SORCS3: variants seen among roughly 807,000 people sequenced by gnomAD.
SORCS3 encodes the protein VPS10 domain-containing receptor SorCS3.
SORCS3 carries 57 observed loss-of-function variants against 146.3 expected under a neutral mutation model. The ratio of observed to expected loss-of-function variants is 0.39; its 90% CI spans 0.31 to 0.49. The LOEUF is 0.49. Ranked by LOEUF, SORCS3 falls within the 20% of genes least tolerant of loss-of-function variation. SORCS3 has a pLI of 0.92. For missense variants in SORCS3, 1,341 were observed against 1,575.5 expected, an observed-to-expected ratio of 0.85 and a Z score of 2.52; for synonymous variants, 653 against 618.5, an observed-to-expected ratio of 1.06 and a Z score of -0.83.
At chr10:105,047,172 CTTG>C (rs1205741307) in intron 5 of SORCS3, among the ~76,000 whole-genome samples, 15 of 151,742 alleles carry the variant, frequency 9.9e-5, no homozygotes, top group Non-Finnish European at 1.8e-4. Context: ...AATGTGAATA[CTTG>C]TTGTGATTCA....
At chr10:104,765,054 T>A (rs1262919618) in intron 1 of SORCS3, among the ~76,000 whole-genome samples, 1 of 152,196 alleles carries the variant, frequency 6.6e-6, no homozygotes, top group African/African-American at 2.4e-5. Flanking sequence ...TAGGTTTGAA[T>A]CTCTACCAAC....
At chr10:104,734,858 A>T (rs1564671005) in intron 1 of SORCS3, among the ~76,000 whole-genome samples, 1 of 152,212 alleles carries the variant, frequency 6.6e-6, no homozygotes, top group Non-Finnish European at 1.5e-5. Context: ...CTCTCTGATC[A>T]CCAGAGATAA....
At chr10:104,874,475 G>C (rs1036712841) in intron 2 of SORCS3, among the ~76,000 whole-genome samples, 2 of 151,886 alleles carry the variant, frequency 1.3e-5, no homozygotes, top group Non-Finnish European at 2.9e-5. Flanking sequence ...TTTCCAACGT[G>C]TACTACTTAC....
At chr10:104,981,350 G>A (rs2054930520) in intron 4 of SORCS3, among the ~76,000 whole-genome samples, 1 of 152,114 alleles carries the variant, frequency 6.6e-6, no homozygotes, top group Non-Finnish European at 1.5e-5. Flanking sequence ...AAAAGCAGTG[G>A]AAGTAATAGG....
At chr10:104,650,337 C>G (rs2015542974) in intron 1 of SORCS3, among the ~76,000 whole-genome samples, 1 of 152,110 alleles carries the variant, frequency 6.6e-6, no homozygotes, top group Admixed American at 6.5e-5. Context: ...AATGCTGTAC[C>G]AGGAATTGTT....
intron 1 of SORCS3, among the ~76,000 whole-genome samples, chr10:104,746,109 G>T (rs1391104578): frequency 6.6e-6 from 1 of 151,270 alleles, no homozygotes; most frequent in African/African-American, 2.4e-5. Flanking sequence ...ATATTTATGG[G>T]TATGATGTGT....
At chr10:104,881,379 G>A (rs2018628508) in intron 2 of SORCS3, among the ~76,000 whole-genome samples, 1 of 152,136 alleles carries the variant, frequency 6.6e-6, no homozygotes, top group East Asian at 1.9e-4. Flanking sequence ...CTTTGCTGGA[G>A]GGAAAAAGTT....
intron 3 of SORCS3, among the ~76,000 whole-genome samples, chr10:104,965,878 C>G (rs1172811084): frequency 1.3e-5 from 2 of 151,838 alleles, no homozygotes; most frequent in African/African-American, 4.8e-5. Context: ...TGTAAATAAG[C>G]TTAATATAAT....
At chr10:105,160,278 T>C (rs1025619990) in intron 11 of SORCS3, among the ~76,000 whole-genome samples, 2 of 152,196 alleles carry the variant, frequency 1.3e-5, no homozygotes, top group African/African-American at 4.8e-5. Context: ...AAAGTGGGCA[T>C]AATAGTACCA....
chr10:104,718,111 A>G (rs2016500319), intron 1 of SORCS3, among the ~76,000 whole-genome samples: 1 of 152,214 alleles, frequency 6.6e-6, no homozygotes, highest in Non-Finnish European at 1.5e-5. Flanking sequence ...GCACCACTGC[A>G]TTCCAGCCTG....
At chr10:105,103,884 C>T (rs927793907) in intron 6 of SORCS3, among the ~76,000 whole-genome samples, 1 of 152,198 alleles carries the variant, frequency 6.6e-6, no homozygotes, top group Non-Finnish European at 1.5e-5. Flanking sequence ...TAACTAGCTA[C>T]ATATATGAGT....
intron 19 of SORCS3, among the ~76,000 whole-genome samples, chr10:105,221,872 G>A (rs1221905771): frequency 6.6e-6 from 1 of 152,016 alleles, no homozygotes; most frequent in Non-Finnish European, 1.5e-5. Context: ...ACATATTTTA[G>A]TTGGATTTGT....
At chr10:105,152,251 T>C (rs2056173021) in intron 9 of SORCS3, among the ~76,000 whole-genome samples, 1 of 152,186 alleles carries the variant, frequency 6.6e-6, no homozygotes, top group African/African-American at 2.4e-5. Context: ...ACCAGCACTG[T>C]CAAATACATA....
At chr10:104,807,185 G>A (rs568286467) in intron 1 of SORCS3, among the ~76,000 whole-genome samples, 114 of 151,234 alleles carry the variant, frequency 7.5e-4, no homozygotes, top group Non-Finnish European at 1.4e-3. Flanking sequence ...CTTGCTCTCT[G>A]TGTGTGTGTG....
chr10:105,188,853 C>T (rs889909985), intron 14 of SORCS3, among the ~76,000 whole-genome samples: 2 of 152,132 alleles, frequency 1.3e-5, no homozygotes, highest in African/African-American at 4.8e-5. Context: ...GGAGTTGAAG[C>T]TGGGTGAAAG....
intron 1 of SORCS3, among the ~76,000 whole-genome samples, chr10:104,821,544 A>T (rs1589512228): frequency 1.3e-5 from 2 of 152,190 alleles, no homozygotes; most frequent in African/African-American, 4.8e-5. Context: ...GCTACCATCT[A>T]TCTGTAGAAG....
chr10:105,207,868 A>G (rs1326378081), intron 16 of SORCS3, among the ~76,000 whole-genome samples: 2 of 152,184 alleles, frequency 1.3e-5, no homozygotes, highest in African/African-American at 4.8e-5. Context: ...GACCATTAAG[A>G]TGTTTCTTTC....
At chr10:104,950,399 G>A (rs904561368) in intron 3 of SORCS3, among the ~76,000 whole-genome samples, 7 of 152,034 alleles carry the variant, frequency 4.6e-5, no homozygotes, top group Non-Finnish European at 7.4e-5. Context: ...TAATCTCACC[G>A]GACTTTTCTC....
At chr10:105,039,288 G>A (rs972303865) in intron 4 of SORCS3, among the ~76,000 whole-genome samples, 1 of 152,110 alleles carries the variant, frequency 6.6e-6, no homozygotes, top group Non-Finnish European at 1.5e-5. Context: ...ATGAATAGGA[G>A]CCTGCTCTTT....
Sources: gnomAD v4.1 joint callset for allele counts (sites outside exome capture counted in the v4.1 genomes callset) on GRCh38, gnomAD v4.1.1 for gene constraint, MANE v1.5 for transcripts, NCBI Gene and HGNC (gene_info 2026-07-23, HGNC 2026-07-21) for gene names.